ALDH1A2: variants seen among roughly 807,000 people sequenced by gnomAD.
ALDH1A2 encodes the protein aldehyde dehydrogenase 1 family member A2.
ALDH1A2 carries 27 observed loss-of-function variants against 60.3 expected under a neutral mutation model. The observed-to-expected ratio is 0.45, with a 90% CI of 0.33 to 0.62. The LOEUF (loss-of-function observed/expected upper bound fraction) is 0.62, where lower values mean the gene tolerates loss of function less well. ALDH1A2 is among the 20% of genes least tolerant of loss of function. The pLI is 0.02. For synonymous variants in ALDH1A2, 289 were observed against 232.4 expected, an observed-to-expected ratio of 1.24 and a Z score of -2.21; for missense variants, 581 against 643.8, an observed-to-expected ratio of 0.90 and a Z score of 1.06.
chr15:58,049,191 A>G (rs943420647), intron 1 of ALDH1A2, among the ~76,000 whole-genome samples: 3 of 152,068 alleles, frequency 2.0e-5, no homozygotes, highest in African/African-American at 4.8e-5. Context: ...TTAGGAATAT[A>G]CCAAATCTTC....
intron 1 of ALDH1A2, chr15:58,036,546 A>G (rs1896382624): frequency 6.6e-6 from 1 of 151,648 alleles, no homozygotes; most frequent in Admixed American, 6.6e-5. Context: ...AAACAGGTTG[A>G]TATAACATGA....
At chr15:58,010,466 A>G (rs1350319960) in intron 4 of ALDH1A2, among the ~76,000 whole-genome samples, 183 bp downstream of exon 4, 3 of 152,112 alleles carry the variant, frequency 2.0e-5, no homozygotes, top group African/African-American at 7.2e-5. Flanking sequence ...ATATATTTCT[A>G]TCTATAGAAA....
At chr15:58,047,894 A>G (rs1281350822) in intron 1 of ALDH1A2, among the ~76,000 whole-genome samples, 1 of 152,090 alleles carries the variant, frequency 6.6e-6, no homozygotes, top group East Asian at 1.9e-4. Context: ...TTTTCACTTT[A>G]AAGTCAATGT....
At position 58,006,279 on chromosome 15, in the gene ALDH1A2, TC is replaced by T. The variant is rs540783141; in HGVS notation, c.493+4369del. 3.1e-3 allele frequency among the ~76,000 whole-genome samples: 465 copies of T among 152,132 alleles called. 3 individuals carry two copies. Among genetic ancestry groups the T allele is most frequent in the African/African-American group, 0.011 (445 of 41,554 alleles). On this transcript the variant is annotated intron_variant, in intron 4 of 12. Coordinates refer to ENST00000249750, the MANE Select transcript of ALDH1A2 (RefSeq NM_003888.4). ...GAATATAAGATATTTGGTTTTCCAT[TC>T]CTGAGTTACTTCACTTAGAATAATG...
chr15:57,972,701 C>CTAA (rs1201814295), intron 7 of ALDH1A2, among the ~76,000 whole-genome samples: 1 of 152,140 alleles, frequency 6.6e-6, no homozygotes, highest in Non-Finnish European at 1.5e-5. Context: ...AAGTTTTATG[C>CTAA]TAATAGTTTA....
chr15:58,059,123 A>G (rs529339230), intron 1 of ALDH1A2, among the ~76,000 whole-genome samples: 1 of 152,362 alleles, frequency 6.6e-6, no homozygotes, highest in African/African-American at 2.4e-5. Flanking sequence ...GTAGAGAAAT[A>G]CCAGTGATAA....
At chr15:58,060,710 G>A (rs755612158) in intron 1 of ALDH1A2, among the ~76,000 whole-genome samples, 4 of 152,052 alleles carry the variant, frequency 2.6e-5, no homozygotes, top group African/African-American at 9.7e-5. Flanking sequence ...GAAAGCTGCC[G>A]CAGACAGTAT....
intron 4 of ALDH1A2, among the ~76,000 whole-genome samples, chr15:58,009,029 A>G (rs1211276805): frequency 2.0e-5 from 3 of 152,150 alleles, no homozygotes; most frequent in Admixed American, 2.0e-4. Context: ...AAAAACCTCT[A>G]GATGGAAGGG....
At chr15:58,014,912 A>AC (rs1221800672) in intron 1 of ALDH1A2, among the ~76,000 whole-genome samples, 1 of 152,178 alleles carries the variant, frequency 6.6e-6, no homozygotes, top group Non-Finnish European at 1.5e-5. Context: ...TCAAATGATC[A>AC]CCCCAGGATT....
chr15:57,987,434 C>T (rs1894741475), intron 7 of ALDH1A2, among the ~76,000 whole-genome samples: 2 of 151,976 alleles, frequency 1.3e-5, no homozygotes, highest in South Asian at 2.1e-4. Context: ...ACATTACTTA[C>T]CGTAAAATAA....
chr15:58,035,287 T>G (rs1248363495), intron 1 of ALDH1A2, among the ~76,000 whole-genome samples: 1 of 151,662 alleles, frequency 6.6e-6, no homozygotes, highest in East Asian at 1.9e-4. Context: ...GTGGCAGTAG[T>G]AGCAATAGTC....
chr15:58,062,180 C>T (rs1897056017), intron 1 of ALDH1A2, among the ~76,000 whole-genome samples: 1 of 152,152 alleles, frequency 6.6e-6, no homozygotes, highest in African/African-American at 2.4e-5. Context: ...CCCTCTTCCT[C>T]CCTGTGTTTC....
intron 1 of ALDH1A2, among the ~76,000 whole-genome samples, chr15:58,054,362 T>C (rs1896845641): frequency 6.6e-6 from 1 of 152,130 alleles, no homozygotes; most frequent in Admixed American, 6.5e-5. Context: ...CTTTCAGCAG[T>C]TTCTTTAGAG....
At chr15:58,056,910 T>C (rs749997649) in intron 1 of ALDH1A2, among the ~76,000 whole-genome samples, 1 of 152,128 alleles carries the variant, frequency 6.6e-6, no homozygotes, top group Non-Finnish European at 1.5e-5. Flanking sequence ...TGTAGACTAA[T>C]GGGAACTCTG....
At chr15:58,057,348 A>G (rs954066112) in intron 1 of ALDH1A2, among the ~76,000 whole-genome samples, 2 of 152,086 alleles carry the variant, frequency 1.3e-5, no homozygotes, top group African/African-American at 4.8e-5. Flanking sequence ...TATATAAAAC[A>G]TTTATATAAA....
chr15:58,017,288 T>C (rs1219336251), intron 1 of ALDH1A2, among the ~76,000 whole-genome samples: 1 of 152,196 alleles, frequency 6.6e-6, no homozygotes, highest in Non-Finnish European at 1.5e-5. Context: ...TAGTATTTGT[T>C]GATAAAATTT....
At chr15:58,023,052 G>A (rs1895976007) in intron 1 of ALDH1A2, among the ~76,000 whole-genome samples, 1 of 152,076 alleles carries the variant, frequency 6.6e-6, no homozygotes, top group Non-Finnish European at 1.5e-5. Context: ...TGACTTTCAA[G>A]AATCTTAGTG....
In ALDH1A2 at chr15:57,982,641, T is replaced by C. The variant is rs35901995; in HGVS notation, c.798+10064A>G. 5.0e-3 allele frequency among the ~76,000 whole-genome samples: 758 copies of C among 152,342 alleles called. 10 individuals carry two copies. Among genetic ancestry groups the C allele is most frequent in the African/African-American group, 0.017 (723 of 41,586 alleles). Reference sequence around the variant, plus strand: ...TTGATAATTAGCTTAATCAGATTGATCATTTACTGTTCAGCTTGGGAATTA... The same window carrying C: ...TTGATAATTAGCTTAATCAGATTGACCATTTACTGTTCAGCTTGGGAATTA... On this transcript the variant is annotated intron_variant, in intron 7 of 12. Coordinates refer to ENST00000249750, the MANE Select transcript of ALDH1A2 (RefSeq NM_003888.4).
rs114240908 is a variant in ALDH1A2, at chr15:58,022,379, C to T, written c.118-8098G>A. Among the ~76,000 whole-genome samples the T allele has an allele frequency of 4.8e-3, 726 of 152,234 alleles. 8 individuals carry two copies. The highest frequency in any genetic ancestry group is 0.017 in the African/African-American group (700 of 41,522). On this transcript the variant is annotated intron_variant, in intron 1 of 12. Transcript: ENST00000249750. ...CCTCGGGCCTGGAGACTTGCCTGTC[C>T]AGCACATCACAGCCACTCCCAATAT...
Sources: allele counts gnomAD v4.1 joint callset (sites outside exome capture counted in the v4.1 genomes callset), GRCh38; gene constraint gnomAD v4.1.1; transcripts MANE v1.5; gene names NCBI Gene and HGNC (gene_info 2026-07-23, HGNC 2026-07-21).